The following ADGRL3 variants were observed in gnomAD, a reference collection of about 807,000 sequenced individuals.
ADGRL3 encodes the protein adhesion G protein-coupled receptor L3.
In ADGRL3, 62 loss-of-function variants were observed where a neutral mutation model predicts 153.5. That is an observed-to-expected ratio of 0.40 (90% CI 0.33 to 0.50). The LOEUF is 0.50. Ranked by LOEUF, ADGRL3 falls within the 20% of genes least tolerant of loss-of-function variation. The pLI is 0.47. For missense variants in ADGRL3, 1,641 were observed against 1,859.4 expected, an observed-to-expected ratio of 0.88 and a Z score of 2.16; for synonymous variants, 710 against 672.5, an observed-to-expected ratio of 1.06 and a Z score of -0.86.
At chr4:61,367,231 T>A (rs1344752225) in intron 1 of ADGRL3, among the ~76,000 whole-genome samples, 1 of 151,994 alleles carries the variant, frequency 6.6e-6, no homozygotes, top group East Asian at 1.9e-4. Flanking sequence ...ACTGTCGCTT[T>A]TTTTTTTATT....
intron 1 of ADGRL3, among the ~76,000 whole-genome samples, chr4:61,363,458 C>T (rs976877947): frequency 2.6e-5 from 4 of 151,994 alleles, no homozygotes; most frequent in East Asian, 3.9e-4. Context: ...GTTGTAAACA[C>T]GTAGGTTATG....
intron 9 of ADGRL3, among the ~76,000 whole-genome samples, chr4:61,890,376 C>T (rs1026393382): frequency 8.5e-5 from 13 of 152,082 alleles, no homozygotes; most frequent in African/African-American, 3.1e-4. Flanking sequence ...GTAACAATAC[C>T]CAAGACGGGG....
intron 1 of ADGRL3, among the ~76,000 whole-genome samples, chr4:61,222,334 T>G (rs1196169612): frequency 6.6e-6 from 1 of 152,148 alleles, no homozygotes; most frequent in East Asian, 1.9e-4. Context: ...TACATATTTA[T>G]GGAGTACATA....
At chr4:61,476,323 G>A (rs992476684) in intron 2 of ADGRL3, among the ~76,000 whole-genome samples, 3 of 152,000 alleles carry the variant, frequency 2.0e-5, no homozygotes, top group African/African-American at 7.2e-5. Context: ...TACCTCCCGG[G>A]TTCAAGCAAT....
At chr4:61,299,437 A>G (rs756287507) in intron 1 of ADGRL3, among the ~76,000 whole-genome samples, 5 of 152,144 alleles carry the variant, frequency 3.3e-5, no homozygotes, top group Non-Finnish European at 7.4e-5. Flanking sequence ...TCTTATTCTA[A>G]AAATAAAGAA....
At chr4:61,590,770 T>C (rs1448646434) in intron 5 of ADGRL3, among the ~76,000 whole-genome samples, 1 of 152,136 alleles carries the variant, frequency 6.6e-6, no homozygotes, top group African/African-American at 2.4e-5. Flanking sequence ...AAGGAAATCT[T>C]AGAGCTGCTT....
chr4:61,243,252 T>C (rs1403609466), intron 1 of ADGRL3, among the ~76,000 whole-genome samples: 1 of 152,056 alleles, frequency 6.6e-6, no homozygotes, highest in East Asian at 1.9e-4. Context: ...TAATAGTAGA[T>C]CTCAGTTAAA....
Position 61,491,232 on chromosome 4 carries a change from A to G in ADGRL3, c.-173-5889A>G, listed in dbSNP as rs2098254962. Among the ~76,000 whole-genome samples, 4 of 152,180 alleles carry G rather than the reference A, an allele frequency of 2.6e-5. No individual in the cohort carries two copies. In the South Asian group the frequency reaches 8.3e-4, roughly 31 times the overall value. ...GATGTCCTCTGTCACTTCGTAGGGC[A>G]TGGATTATGAAGCATTGCTGTAATG... is the stretch of plus-strand genomic sequence containing the variant. On this transcript the variant is annotated intron_variant, in intron 2 of 26. Transcript: ENST00000683033.
At chr4:61,925,202 C>T (rs1284651739) in intron 13 of ADGRL3, among the ~76,000 whole-genome samples, 2 of 152,056 alleles carry the variant, frequency 1.3e-5, no homozygotes, top group African/African-American at 2.4e-5. Flanking sequence ...GATACTTTCA[C>T]GATTATTTTT....
At chr4:61,756,824 C>T (rs1365147788) in intron 8 of ADGRL3, among the ~76,000 whole-genome samples, 1 of 152,064 alleles carries the variant, frequency 6.6e-6, no homozygotes, top group African/African-American at 2.4e-5. Flanking sequence ...GAGTTTTTAG[C>T]ATGAAGGGTT....
intron 9 of ADGRL3, among the ~76,000 whole-genome samples, chr4:61,825,180 A>C (rs1011808071): frequency 4.6e-5 from 7 of 152,282 alleles, no homozygotes; most frequent in African/African-American, 1.7e-4. Context: ...GTGGAGTCAA[A>C]TGTAAGTACA....
At chr4:61,739,757 C>T (rs942410384) in intron 8 of ADGRL3, among the ~76,000 whole-genome samples, 1 of 152,122 alleles carries the variant, frequency 6.6e-6, no homozygotes, top group African/African-American at 2.4e-5. Context: ...TTGCTTCACC[C>T]ACATTGTTGT....
At chr4:61,467,614 A>G (rs538077644) in intron 2 of ADGRL3, among the ~76,000 whole-genome samples, 24 of 152,180 alleles carry the variant, frequency 1.6e-4, no homozygotes, top group Non-Finnish European at 2.5e-4. Flanking sequence ...TAAAGTAGAA[A>G]CACTCTGAAG....
At chr4:61,852,149 A>T (rs935659205) in intron 9 of ADGRL3, among the ~76,000 whole-genome samples, 4 of 152,120 alleles carry the variant, frequency 2.6e-5, no homozygotes, top group Non-Finnish European at 4.4e-5. Context: ...TTTAAAAGAT[A>T]AAAAAGGAAG....
intron 4 of ADGRL3, among the ~76,000 whole-genome samples, chr4:61,518,038 C>T (rs1426182156): frequency 6.6e-6 from 1 of 152,160 alleles, no homozygotes; most frequent in African/African-American, 2.4e-5. Context: ...AATGGCGGAA[C>T]ATTCTTCCTA....
chr4:61,726,210 G>GTTTTTTTTTTTT (rs149472429), intron 6 of ADGRL3, among the ~76,000 whole-genome samples: 4 of 118,472 alleles, frequency 3.4e-5, no homozygotes, highest in South Asian at 3.0e-4. Context: ...TTTTTTTTTT[G>GTTTTTTTTTTTT]TTTTTTGAGA....
chr4:61,676,962 G>C (rs2095214450), intron 6 of ADGRL3, 27 bp downstream of exon 6: 2 of 1,423,554 alleles, frequency 1.4e-6, no homozygotes, highest in Non-Finnish European at 9.9e-7. Flanking sequence ...ACTTTTCTTG[G>C]CAAGAGAAAA....
intron 9 of ADGRL3, among the ~76,000 whole-genome samples, chr4:61,863,338 C>T (rs945127197): frequency 1.4e-5 from 2 of 144,610 alleles, no homozygotes; most frequent in Non-Finnish European, 3.0e-5. Context: ...CCCGGGTTCA[C>T]GCCATTCTCC....
intron 1 of ADGRL3, among the ~76,000 whole-genome samples, chr4:61,280,672 A>G (rs549369627): frequency 2.0e-5 from 3 of 152,278 alleles, no homozygotes; most frequent in Non-Finnish European, 4.4e-5. Flanking sequence ...TTATTATTTA[A>G]TGGTTAAAAA....
Sources: allele counts gnomAD v4.1 joint callset (sites outside exome capture counted in the v4.1 genomes callset), GRCh38; gene constraint gnomAD v4.1.1; transcripts MANE v1.5; gene names NCBI Gene and HGNC (gene_info 2026-07-23, HGNC 2026-07-21).